CYP46A1: variants seen among roughly 807,000 people sequenced by gnomAD.
The protein encoded by CYP46A1 is cholesterol 24-hydroxylase.
In CYP46A1, 20 loss-of-function variants were observed where a neutral mutation model predicts 63.3. That is an observed-to-expected ratio of 0.32 (90% CI 0.22 to 0.46). CYP46A1 has a LOEUF of 0.46. CYP46A1 is among the 20% of genes least tolerant of loss of function. The pLI is 1.00. For missense variants in CYP46A1, 445 were observed against 670.8 expected, an observed-to-expected ratio of 0.66 and a Z score of 3.72; for synonymous variants, 268 against 273.6, an observed-to-expected ratio of 0.98 and a Z score of 0.20.
chr14:99,717,396 C>T (rs2056800165), intron 9 of CYP46A1, among the ~76,000 whole-genome samples: 1 of 152,118 alleles, frequency 6.6e-6, no homozygotes, highest in African/African-American at 2.4e-5. Flanking sequence ...CTCCTATAGT[C>T]ACAGCCCGCG....
At chr14:99,706,817 G>A in intron 6 of CYP46A1, 32 bp downstream of exon 6, 1 of 1,608,268 alleles carries the variant, frequency 6.2e-7, no homozygotes, top group Non-Finnish European at 8.5e-7. Flanking sequence ...TGGGGGCCAG[G>A]AGGGCCACAT....
chr14:99,688,531 G>A (rs1030650656), intron 1 of CYP46A1, among the ~76,000 whole-genome samples: 1 of 152,146 alleles, frequency 6.6e-6, no homozygotes, highest in African/African-American at 2.4e-5. Flanking sequence ...GGGTAGCCCA[G>A]GCCAACCTGC....
intron 6 of CYP46A1, among the ~76,000 whole-genome samples, 168 bp downstream of exon 6, chr14:99,706,953 A>G (rs1001388703): frequency 1.3e-5 from 2 of 152,140 alleles, no homozygotes; most frequent in Non-Finnish European, 2.9e-5. Context: ...TCAATATTCA[A>G]AGCAACCTAG....
At chr14:99,716,870 G>A (rs1435515225) in intron 9 of CYP46A1, among the ~76,000 whole-genome samples, 1 of 152,222 alleles carries the variant, frequency 6.6e-6, no homozygotes, top group Non-Finnish European at 1.5e-5. Context: ...TTGACACTGG[G>A]CACTGGGAAG....
rs1388624399 is a variant in CYP46A1, at chr14:99,722,000, C to T, written c.1110C>T (p.Thr370=). The T allele has an allele frequency of 2.5e-6, 4 of 1,613,796 alleles. No homozygotes were observed. In the South Asian group the frequency reaches 4.4e-5, roughly 18 times the overall value. ...SLRLYPPAWG[T]FRLLEEETLI... is the part of the protein sequence containing the mutation. The stretch of plus-strand genomic sequence containing the variant: ...GGCTGTACCCACCAGCATGGGGCAC[C>T]TTTCGCCTGCTGGAAGAGGAGACCT... Residue 370 remains threonine, a synonymous_variant, in exon 12 of 15, where the codon ACC becomes ACT. Transcript: ENST00000261835.
At chr14:99,687,991 T>TC (rs1555381298) in intron 1 of CYP46A1, among the ~76,000 whole-genome samples, 11,899 of 148,502 alleles carry the variant, frequency 0.08, 490 homozygotes, top group Middle Eastern at 0.1. Context: ...GGGTTTTTTT[T>TC]CCCCTTTCTT....
chr14:99,717,779 C>T (rs764155188), intron 9 of CYP46A1: 15 of 412,732 alleles, frequency 3.6e-5, no homozygotes, highest in South Asian at 5.1e-5. Flanking sequence ...CTTGGGCTCA[C>T]GGACTTTGAA....
chr14:99,699,976 C>G, intron 4 of CYP46A1, 39 bp from the exon 5 acceptor site: 1 of 527,200 alleles, frequency 1.9e-6, no homozygotes. Context: ...CTCCCCACCC[C>G]CCACCCTCTT....
chr14:99,699,271 G>A (rs1332348488), intron 3 of CYP46A1, among the ~76,000 whole-genome samples, 195 bp from the exon 4 acceptor site: 7 of 152,114 alleles, frequency 4.6e-5, no homozygotes, highest in Non-Finnish European at 8.8e-5. Flanking sequence ...TCGCCCCTCT[G>A]TGCTGCATTT....
intron 1 of CYP46A1, among the ~76,000 whole-genome samples, chr14:99,689,465 G>A (rs1365734616): frequency 6.6e-6 from 1 of 152,176 alleles, no homozygotes; most frequent in Non-Finnish European, 1.5e-5. Context: ...GAAGTGGAGG[G>A]GCTGAGGTCA....
intron 9 of CYP46A1, chr14:99,717,710 T>C (rs1268868013): frequency 1.6e-5 from 4 of 244,154 alleles, no homozygotes; most frequent in Middle Eastern, 1.3e-3. Flanking sequence ...CACCCCCTCA[T>C]AGAACCTCAG....
intron 3 of CYP46A1, among the ~76,000 whole-genome samples, chr14:99,696,872 A>G (rs2056591091): frequency 6.6e-6 from 1 of 152,212 alleles, no homozygotes; most frequent in Non-Finnish European, 1.5e-5. Context: ...TTCTGAGATG[A>G]TAAAGTTACT....
At chr14:99,685,987 T>G (rs1019410000) in intron 1 of CYP46A1, among the ~76,000 whole-genome samples, 1 of 152,220 alleles carries the variant, frequency 6.6e-6, no homozygotes, top group African/African-American at 2.4e-5. Context: ...AATTTTCCTT[T>G]ACAGCATAAT....
intron 10 of CYP46A1, among the ~76,000 whole-genome samples, chr14:99,718,881 A>G (rs1354928927): frequency 6.6e-6 from 1 of 152,178 alleles, no homozygotes; most frequent in Non-Finnish European, 1.5e-5. Flanking sequence ...TTTTGGGAAA[A>G]GCAGAAAAGC....
chr14:99,710,368 C>T (rs1186004624), intron 7 of CYP46A1: 1 of 152,088 alleles, frequency 6.6e-6, no homozygotes, highest in Non-Finnish European at 1.5e-5. Flanking sequence ...TAAATTCCCC[C>T]ACTTAAAAGA....
chr14:99,717,997 CTG>C, intron 9 of CYP46A1, 55 bp from the exon 10 acceptor site: 2 of 1,406,514 alleles, frequency 1.4e-6, no homozygotes, highest in South Asian at 1.2e-5. Context: ...CAGGCACAAA[CTG>C]TCTCCTTCAT....
chr14:99,687,048 A>C (rs1595181562), intron 1 of CYP46A1, among the ~76,000 whole-genome samples: 1 of 152,142 alleles, frequency 6.6e-6, no homozygotes. Flanking sequence ...GGGCTTTGCC[A>C]GCTGGCAGGC....
chr14:99,716,925 A>C (rs2140135827), intron 9 of CYP46A1, among the ~76,000 whole-genome samples: 1 of 152,294 alleles, frequency 6.6e-6, no homozygotes, highest in East Asian at 1.9e-4. Context: ...CTATTGGTGG[A>C]GGTGGAAAGA....
intron 7 of CYP46A1, chr14:99,709,049 C>T (rs1287372579): frequency 6.6e-6 from 1 of 152,048 alleles, no homozygotes; most frequent in African/African-American, 2.4e-5. Flanking sequence ...ACTATAAATG[C>T]CCCTATAGAA....
Sources: gnomAD v4.1 joint callset for allele counts (sites outside exome capture counted in the v4.1 genomes callset) on GRCh38, gnomAD v4.1.1 for gene constraint, MANE v1.5 for transcripts, NCBI Gene and HGNC (gene_info 2026-07-23, HGNC 2026-07-21) for gene names.